The following HOXA3 variants were observed in gnomAD, a reference collection of about 807,000 sequenced individuals.
HOXA3 encodes the protein homeobox A3.
In HOXA3, 8 loss-of-function variants were observed where a neutral mutation model predicts 30.3. The ratio of observed to expected loss-of-function variants is 0.26; its 90% CI spans 0.15 to 0.48. HOXA3 has a LOEUF of 0.48. Among genes scored for constraint, HOXA3 ranks in the 20% least tolerant of loss-of-function variants. The pLI is 0.99. For missense variants in HOXA3, 653 were observed against 614.4 expected (o/e 1.06, Z -0.66); for synonymous variants, 323 against 273.1 (o/e 1.18, Z -1.80).
In HOXA3 at chr7:27,108,347, G is replaced by A. The variant is rs747916069; in HGVS notation, c.900C>T (p.Pro300=). The change falls in exon 6 of 6, where the codon CCC becomes CCT. Residue 300 remains proline, a synonymous_variant. Coordinates refer to ENST00000612286, the MANE Select transcript of HOXA3 (RefSeq NM_153631.3). The surrounding 1 kb of genome is among the most constrained non-coding windows in gnomAD (Gnocchi z 5.0). The part of the protein sequence containing the change: ...EPQSPPPFSK[P]PQGTYGLPPA... Reference sequence around the variant, plus strand: ...GGGGCAGCCCGTAGGTACCCTGGGGGGGCTTGGAGAAGGGCGGGGGCGACT... The same window carrying A: ...GGGGCAGCCCGTAGGTACCCTGGGGAGGCTTGGAGAAGGGCGGGGGCGACT... 33 of 1,517,568 alleles carry A rather than the reference G, an allele frequency of 2.2e-5. No individual in the cohort carries two copies. Among genetic ancestry groups the A allele is most frequent in the South Asian group, 2.0e-4 (16 of 81,618 alleles). The allele number at this position is 1,517,568 out of a possible 1,614,324, so 94.0% of individuals were successfully genotyped here.
At chr7:27,130,003 T>C in intron 2 of HOXA3, 1 of 1,242,732 alleles carries the variant, frequency 8.0e-7, no homozygotes, top group Non-Finnish European at 1.1e-6. Context: ...CCGGGTCAGA[T>C]GGGGGCTCCC....
At chr7:27,130,932 G>C (rs1027795654) in intron 2 of HOXA3, 10 of 616,352 alleles carry the variant, frequency 1.6e-5, no homozygotes, top group African/African-American at 7.5e-5. Context: ...CCAGCCCAGC[G>C]CGCGCCCCGC....
At position 27,107,883 on chromosome 7, in the gene HOXA3, G is replaced by T. The variant is rs1784100323; in HGVS notation, c.*32C>A. 2.3e-6 allele frequency: 3 copies of T among 1,279,302 alleles called. No individual in the cohort carries two copies. The highest frequency in any genetic ancestry group is 2.1e-4 in the Middle Eastern group (1 of 4,850). The allele number at this position is 1,279,302 out of a possible 1,614,324, so 79.2% of individuals were successfully genotyped here. The stretch of plus-strand genomic sequence containing the variant: ...CAAAGAAAAAAGGTGGGTGGGGGGA[G>T]ACTCTCCTGGCGCGTAGCCCCAAGC... On this transcript the variant is annotated 3_prime_UTR_variant, in exon 6 of 6. Coordinates refer to ENST00000612286, the MANE Select transcript of HOXA3 (RefSeq NM_153631.3).
At chr7:27,145,063 C>G (rs922121730) in intron 1 of HOXA3, among the ~76,000 whole-genome samples, 1 of 152,228 alleles carries the variant, frequency 6.6e-6, no homozygotes, top group African/African-American at 2.4e-5. Context: ...GACCGAGAGA[C>G]TGGGCTCTGT....
At chr7:27,133,012 C>T (rs1785608265) in intron 2 of HOXA3, among the ~76,000 whole-genome samples, 2 of 152,172 alleles carry the variant, frequency 1.3e-5, no homozygotes, top group African/African-American at 4.8e-5. Context: ...GTTTTGTATA[C>T]GGTTAACCCA....
chr7:27,140,217 A>G (rs550468302), intron 1 of HOXA3, 31 bp from the exon 2 acceptor site: 1 of 152,268 alleles, frequency 6.6e-6, no homozygotes, highest in East Asian at 1.9e-4. Context: ...GTCCAGCGTT[A>G]GTGAGATTAT....
At chr7:27,131,617 G>T (rs757410076) in intron 2 of HOXA3, among the ~76,000 whole-genome samples, 1 of 152,300 alleles carries the variant, frequency 6.6e-6, no homozygotes, top group East Asian at 1.9e-4. Context: ...AAATATGCCC[G>T]CATTTACTAG....
intron 5 of HOXA3, among the ~76,000 whole-genome samples, chr7:27,109,746 G>A (rs1784253355): frequency 6.6e-6 from 1 of 152,238 alleles, no homozygotes; most frequent in Admixed American, 6.5e-5. Flanking sequence ...ATTTCAGTAA[G>A]GGGAGGATGT....
chr7:27,130,995 C>T (rs559060909), intron 2 of HOXA3, among the ~76,000 whole-genome samples: 1 of 152,112 alleles, frequency 6.6e-6, no homozygotes, highest in Non-Finnish European at 1.5e-5. Flanking sequence ...GCGCGCGGAC[C>T]CGGATCAGGA....
intron 1 of HOXA3, chr7:27,142,021 C>T (rs1782586716): frequency 1.9e-5 from 30 of 1,614,226 alleles, no homozygotes; most frequent in Non-Finnish European, 2.5e-5. Context: ...CCTTCTCCAG[C>T]TCCAGGGTCT....
chr7:27,111,686 C>T (rs1380342391), intron 4 of HOXA3, among the ~76,000 whole-genome samples: 1 of 152,018 alleles, frequency 6.6e-6, no homozygotes, highest in Non-Finnish European at 1.5e-5. Flanking sequence ...CTGTCTTGGA[C>T]TTTCTAAGGT....
rs1382171162 is a variant in HOXA3, at chr7:27,113,422, C to T, written c.-120-2662G>A. 2.0e-5 allele frequency among the ~76,000 whole-genome samples: 3 copies of T among 152,156 alleles called. No individual in the cohort carries two copies. The highest frequency in any genetic ancestry group is 1.9e-4 in the East Asian group (1 of 5,174). Reference sequence around the variant, plus strand: ...CCTCTGCAACCCAGAAAAGTTAAGGCTGGGCTAGGGGAGAGGCAAGAGGTG... The same window carrying T: ...CCTCTGCAACCCAGAAAAGTTAAGGTTGGGCTAGGGGAGAGGCAAGAGGTG... On this transcript the variant is annotated intron_variant, in intron 4 of 5. Coordinates refer to ENST00000612286, the MANE Select transcript of HOXA3 (RefSeq NM_153631.3). The surrounding 1 kb of genome is among the most constrained non-coding windows in gnomAD (Gnocchi z 4.8).
chr7:27,146,236 GGTGTGTGTGTGTGTTTGT>G (rs1782761056), intron 1 of HOXA3, among the ~76,000 whole-genome samples: 1 of 113,642 alleles, frequency 8.8e-6, no homozygotes, highest in South Asian at 3.6e-4. Flanking sequence ...GGGGATGCAG[GGTGTGTGTGTGTGTTTGT>G]GTGTGTGTGT....
intron 2 of HOXA3, among the ~76,000 whole-genome samples, chr7:27,138,856 C>T (rs558914892): frequency 6.6e-6 from 1 of 152,328 alleles, no homozygotes; most frequent in Non-Finnish European, 1.5e-5. Context: ...TGACAAAGGA[C>T]CAATTTCTTC....
intron 4 of HOXA3, chr7:27,121,956 C>A (rs1785033040): frequency 6.5e-6 from 1 of 153,032 alleles, no homozygotes. Context: ...CCACGCTTTT[C>A]CCGTAGGAAG....
rs5883060 is a variant in HOXA3, at chr7:27,107,506, T to TAA, written c.*407_*408dup. 383 of 153,538 alleles carry TAA rather than the reference T, an allele frequency of 2.5e-3. 1 individual carries two copies. Among genetic ancestry groups the TAA allele is most frequent in the African/African-American group, 5.8e-3 (240 of 41,244 alleles). 9.5% of individuals were successfully genotyped at this position (153,538 alleles called of 1,614,324 possible). A position where few individuals can be genotyped will look rare whatever the true frequency, so the allele number is the denominator to read the frequency against. ...TCTCACTCTTTACAAGAAGTGCAAT[T>TAA]AAAAAAAAAATTTAAAATTAAAAAA... On this transcript the variant is annotated 3_prime_UTR_variant, in exon 6 of 6. Transcript: ENST00000612286.
intron 1 of HOXA3, chr7:27,141,324 C>G (rs370019658): frequency 6.5e-6 from 1 of 154,868 alleles, no homozygotes; most frequent in Non-Finnish European, 1.4e-5. Context: ...CTAGTCACTA[C>G]ACGTCGAACA....
At chr7:27,110,922 A>C (rs1378637657) in intron 4 of HOXA3, among the ~76,000 whole-genome samples, 162 bp from the exon 5 acceptor site, 1 of 152,228 alleles carries the variant, frequency 6.6e-6, no homozygotes, top group Non-Finnish European at 1.5e-5. Flanking sequence ...AAACCGCTGG[A>C]ATTTACTGGC....
intron 4 of HOXA3, among the ~76,000 whole-genome samples, chr7:27,118,501 G>C (rs1199074956): frequency 6.6e-6 from 1 of 152,194 alleles, no homozygotes; most frequent in Non-Finnish European, 1.5e-5. Context: ...GGGGAGGGTA[G>C]GTGGGGAACC....
Sources: gnomAD v4.1 joint callset for allele counts (sites outside exome capture counted in the v4.1 genomes callset) on GRCh38, gnomAD v4.1.1 for gene constraint, Gnocchi (gnomAD v3.1) non-coding constraint, MANE v1.5 for transcripts, NCBI Gene and HGNC (gene_info 2026-07-23, HGNC 2026-07-21) for gene names.